The following AFDN variants were observed in gnomAD, a reference collection of about 807,000 sequenced individuals.
AFDN encodes the protein afadin, adherens junction formation factor, also known as afadin.
Under a neutral mutation model 216.6 loss-of-function variants are expected in AFDN, and 68 were observed. That is an observed-to-expected ratio of 0.31 (90% CI 0.26 to 0.38). AFDN has a LOEUF of 0.38. Among genes scored for constraint, AFDN ranks in the 10% least tolerant of loss-of-function variants. The probability of loss-of-function intolerance (pLI) is 1.00; values close to 1 mark genes in which losing one functional copy is unlikely to be tolerated. For synonymous variants in AFDN, 868 were observed against 853.7 expected (o/e 1.02, Z -0.29); for missense variants, 2,136 against 2,342.0 (o/e 0.91, Z 1.82).
intron 1 of AFDN, among the ~76,000 whole-genome samples, chr6:167,850,417 T>C (rs1015607147): frequency 3.3e-5 from 5 of 152,158 alleles, no homozygotes; most frequent in African/African-American, 1.2e-4. Flanking sequence ...TTTTTTTTCT[T>C]AATTGGAGTA....
At chr6:167,927,678 CGT>C (rs2128531768) in intron 23 of AFDN, among the ~76,000 whole-genome samples, 1 of 152,264 alleles carries the variant, frequency 6.6e-6, no homozygotes, top group East Asian at 1.9e-4. Flanking sequence ...GAGACCAAGA[CGT>C]GTGGGGTTCA....
chr6:167,875,127 C>T (rs561235311), intron 4 of AFDN, among the ~76,000 whole-genome samples: 2 of 151,796 alleles, frequency 1.3e-5, no homozygotes, highest in African/African-American at 4.9e-5. Context: ...TAGATGTCTG[C>T]TTAGTTCAGT....
At chr6:167,856,474 G>A (rs1231985285) in intron 1 of AFDN, among the ~76,000 whole-genome samples, 1 of 152,024 alleles carries the variant, frequency 6.6e-6, no homozygotes, top group African/African-American at 2.4e-5. Flanking sequence ...TTCTTTATGT[G>A]CACATACTCT....
intron 1 of AFDN, among the ~76,000 whole-genome samples, chr6:167,845,403 TCTTG>T (rs2128146665): frequency 6.6e-6 from 1 of 152,248 alleles, no homozygotes; most frequent in African/African-American, 2.4e-5. Flanking sequence ...TCTTTTCTTT[TCTTG>T]CTTTTTTTAG....
intron 1 of AFDN, among the ~76,000 whole-genome samples, chr6:167,861,943 GT>G (rs1783622444): frequency 6.6e-6 from 1 of 152,108 alleles, no homozygotes; most frequent in African/African-American, 2.4e-5. Flanking sequence ...TTAACTTCTT[GT>G]ATAAGGGTGA....
rs557168428 is a variant in AFDN at position 167,872,655 on chromosome 6, T to C, written c.578+278T>C. Among the ~76,000 whole-genome samples the C allele has an allele frequency of 7.2e-5, 11 of 152,322 alleles. No individual in the cohort carries two copies. The South Asian group carries it at 2.3e-3, about 32-fold the overall frequency. ...AATAAGCAAACTCTAGTTAACATTA[T>C]TATTTTTCTTTTTCATCTTCAGCTG... is the stretch of plus-strand genomic sequence containing the variant. On this transcript the variant is annotated intron_variant, in intron 4 of 33. Coordinates refer to ENST00000683244, the MANE Select transcript of AFDN (RefSeq NM_001386888.1).
At chr6:167,906,349 G>C (rs1024419085) in intron 12 of AFDN, among the ~76,000 whole-genome samples, 1 of 152,140 alleles carries the variant, frequency 6.6e-6, no homozygotes, top group African/African-American at 2.4e-5. Flanking sequence ...TTATCAAGAA[G>C]ATTGTAAATC....
intron 33 of AFDN, 73 bp downstream of exon 33, chr6:167,969,271 A>C (rs1583095657): frequency 1.7e-5 from 20 of 1,153,810 alleles, no homozygotes; most frequent in East Asian, 7.1e-5. Context: ...CGACACCTTG[A>C]GATTATGTAA....
At chr6:167,853,823 C>T (rs538270787) in intron 1 of AFDN, among the ~76,000 whole-genome samples, 6 of 152,178 alleles carry the variant, frequency 3.9e-5, no homozygotes, top group African/African-American at 1.4e-4. Context: ...TGCCCTAACT[C>T]TTAATGGCAC....
intron 8 of AFDN, 89 bp from the exon 9 acceptor site, chr6:167,893,773 C>G (rs1787897430): frequency 3.0e-6 from 3 of 990,208 alleles, no homozygotes; most frequent in African/African-American, 1.6e-5. Flanking sequence ...TGCGTCTCTT[C>G]TCCTCCTTCC....
chr6:167,947,726 T>G (rs1394920580), intron 27 of AFDN, 127 bp from the exon 28 acceptor site: 2 of 560,218 alleles, frequency 3.6e-6, no homozygotes, highest in Non-Finnish European at 6.2e-6. Flanking sequence ...TGATTTTTTT[T>G]TTTCATCTCT....
Position 167,952,194 on chromosome 6 carries a change from G to C in AFDN, c.4833+7G>C, listed in dbSNP as rs180865256. On this transcript the variant is annotated splice_region_variant and intron_variant, in intron 30 of 33. Coordinates refer to ENST00000683244, the MANE Select transcript of AFDN (RefSeq NM_001386888.1). ...GGCTGAACGAAGAGCGAGGGTAAAGGGGGGAGTGCTTTGGCTGTGCCCATC... is the reference window on the plus strand; with the variant it reads ...GGCTGAACGAAGAGCGAGGGTAAAGCGGGGAGTGCTTTGGCTGTGCCCATC... The C allele has an allele frequency of 2.5e-5, 40 of 1,614,036 alleles. 1 individual carries two copies. The highest frequency in any genetic ancestry group is 1.7e-4 in the Admixed American group (10 of 60,022).
chr6:167,909,941 TA>T (rs1212330434), intron 13 of AFDN, among the ~76,000 whole-genome samples: 1 of 152,246 alleles, frequency 6.6e-6, no homozygotes, highest in African/African-American at 2.4e-5. Context: ...TTAAGGAAGC[TA>T]ATCACTTGAC....
intron 3 of AFDN, among the ~76,000 whole-genome samples, chr6:167,870,971 T>A (rs950129159): frequency 9.8e-5 from 15 of 152,296 alleles, no homozygotes; most frequent in African/African-American, 3.4e-4. Flanking sequence ...TCCTAGGTGG[T>A]AGGATATCTG....
intron 30 of AFDN, among the ~76,000 whole-genome samples, chr6:167,953,800 G>A (rs1278478469): frequency 6.6e-6 from 1 of 152,138 alleles, no homozygotes; most frequent in East Asian, 1.9e-4. Context: ...GCACTAAGAT[G>A]GATTCGTTAG....
intron 1 of AFDN, among the ~76,000 whole-genome samples, chr6:167,842,800 T>C (rs1367532904): frequency 6.6e-6 from 1 of 152,194 alleles, no homozygotes; most frequent in Non-Finnish European, 1.5e-5. Context: ...TGGCAGTCAA[T>C]TGAGAATATT....
intron 1 of AFDN, among the ~76,000 whole-genome samples, chr6:167,844,961 A>G (rs903822898): frequency 2.7e-5 from 4 of 150,682 alleles, no homozygotes; most frequent in Non-Finnish European, 5.9e-5. Context: ...CCAGGCTCAA[A>G]TGATTCTCAC....
chr6:167,841,407 G>A (rs1781059021), intron 1 of AFDN, among the ~76,000 whole-genome samples: 1 of 152,022 alleles, frequency 6.6e-6, no homozygotes, highest in Admixed American at 6.5e-5. Context: ...AGGACAGAAA[G>A]CCTGAGAACA....
chr6:167,846,453 A>G (rs1275183911), intron 1 of AFDN, among the ~76,000 whole-genome samples: 2 of 152,134 alleles, frequency 1.3e-5, no homozygotes, highest in East Asian at 3.8e-4. Context: ...ATAAATGAAC[A>G]TAAACAAAAC....
Sources: allele counts gnomAD v4.1 joint callset (sites outside exome capture counted in the v4.1 genomes callset), GRCh38; gene constraint gnomAD v4.1.1; transcripts MANE v1.5; gene names NCBI Gene and HGNC (gene_info 2026-07-23, HGNC 2026-07-21).